The following CDS2 variants were observed in gnomAD, a reference collection of about 807,000 sequenced individuals.
CDS2 encodes CDP-diacylglycerol synthase 2, also known as phosphatidate cytidylyltransferase 2.
A neutral mutation model predicts 59.0 loss-of-function variants in CDS2; 47 were observed. The ratio of observed to expected loss-of-function variants is 0.80; its 90% confidence interval spans 0.63 to 1.02. The LOEUF (loss-of-function observed/expected upper bound fraction) is 1.02, where lower values mean the gene tolerates loss of function less well. CDS2 is among the 50% of genes least tolerant of loss of function. CDS2 has a pLI of 0.00. For missense variants in CDS2, 356 were observed against 558.9 expected, an observed-to-expected ratio of 0.64 and a Z score of 3.66; for synonymous variants, 207 against 206.4, an observed-to-expected ratio of 1.00 and a Z score of -0.02.
At chr20:5,149,602 A>G (rs1241185883) in intron 1 of CDS2, among the ~76,000 whole-genome samples, 1 of 152,062 alleles carries the variant, frequency 6.6e-6, no homozygotes, top group East Asian at 1.9e-4. Flanking sequence ...GGGTCTCACT[A>G]TGTTGCTCAG....
intron 4 of CDS2, among the ~76,000 whole-genome samples, chr20:5,178,005 G>T (rs1189993054): frequency 6.6e-6 from 1 of 152,174 alleles, no homozygotes; most frequent in Non-Finnish European, 1.5e-5. Flanking sequence ...TTAAAAAAAA[G>T]AATGGGAAAG....
chr20:5,140,324 G>A (rs924747024), intron 1 of CDS2, among the ~76,000 whole-genome samples: 11 of 152,178 alleles, frequency 7.2e-5, no homozygotes, highest in African/African-American at 2.4e-4. Context: ...GATGTACTTT[G>A]TTTAGGTTTT....
chr20:5,142,128 A>G (rs2090699500), intron 1 of CDS2, among the ~76,000 whole-genome samples: 1 of 152,316 alleles, frequency 6.6e-6, no homozygotes, highest in African/African-American at 2.4e-5. Context: ...AGCCTGAGCA[A>G]TAGAGTGAGA....
At chr20:5,152,074 G>A (rs1447455265) in intron 1 of CDS2, among the ~76,000 whole-genome samples, 6 of 115,620 alleles carry the variant, frequency 5.2e-5, no homozygotes, top group Admixed American at 8.0e-5. Context: ...TGACTCCATG[G>A]CTTTTTAAAA....
At chr20:5,167,164 G>A (rs1264467794) in intron 1 of CDS2, among the ~76,000 whole-genome samples, 1 of 152,190 alleles carries the variant, frequency 6.6e-6, no homozygotes, top group Non-Finnish European at 1.5e-5. Flanking sequence ...TTTGTAAATA[G>A]CTTTATCTGG....
chr20:5,158,397 C>T (rs954076781), intron 1 of CDS2, among the ~76,000 whole-genome samples: 3 of 152,222 alleles, frequency 2.0e-5, no homozygotes, highest in Admixed American at 6.5e-5. Flanking sequence ...ATTTTGAGCA[C>T]GTGACCTCAA....
intron 1 of CDS2, among the ~76,000 whole-genome samples, chr20:5,144,396 A>G (rs1024690240): frequency 9.2e-5 from 14 of 152,138 alleles, no homozygotes; most frequent in Non-Finnish European, 1.6e-4. Context: ...TGGCCCCCCT[A>G]GTAATGGAGT....
chr20:5,151,950 G>A (rs1375631635), intron 1 of CDS2, among the ~76,000 whole-genome samples: 1 of 149,906 alleles, frequency 6.7e-6, no homozygotes, highest in East Asian at 2.0e-4. Context: ...TTTTAATAGA[G>A]ACAGGGTTTC....
intron 3 of CDS2, chr20:5,175,504 C>G: frequency 2.3e-6 from 1 of 435,836 alleles, no homozygotes; most frequent in Non-Finnish European, 4.2e-6. Flanking sequence ...AGTGTCTTTT[C>G]TTTTAAAAAA....
chr20:5,139,723 G>A (rs2090677999), intron 1 of CDS2, among the ~76,000 whole-genome samples: 1 of 151,726 alleles, frequency 6.6e-6, no homozygotes, highest in Admixed American at 6.6e-5. Context: ...GTTGAGGTAG[G>A]TTCCTTCTGT....
At chr20:5,176,335 T>C (rs1450756480) in intron 3 of CDS2, 1 of 223,582 alleles carries the variant, frequency 4.5e-6, no homozygotes, top group African/African-American at 2.3e-5. Flanking sequence ...GGCAGGTGGA[T>C]TGCTTGAGCC....
At chr20:5,169,257 T>A (rs1257895845) in intron 1 of CDS2, among the ~76,000 whole-genome samples, 1 of 151,874 alleles carries the variant, frequency 6.6e-6, no homozygotes, top group African/African-American at 2.4e-5. Context: ...GGAGGAGGGG[T>A]GCCTGGGAGC....
intron 5 of CDS2, among the ~76,000 whole-genome samples, chr20:5,180,521 T>C (rs549612158): frequency 6.6e-5 from 10 of 152,112 alleles, no homozygotes; most frequent in Non-Finnish European, 1.3e-4. Context: ...ATGTCACTGA[T>C]TGGAGTGTAG....
At chr20:5,147,044 CCAGAA>C (rs1404412379) in intron 1 of CDS2, among the ~76,000 whole-genome samples, 1 of 152,182 alleles carries the variant, frequency 6.6e-6, no homozygotes, top group Non-Finnish European at 1.5e-5. Flanking sequence ...ATGTCATTGG[CCAGAA>C]CTAATTTGCA....
intron 1 of CDS2, among the ~76,000 whole-genome samples, chr20:5,164,662 C>G (rs6076783): frequency 0.46 from 69,549 of 151,700 alleles, 16,284 homozygotes; most frequent in South Asian, 0.62. Flanking sequence ...TCCCCAGTAG[C>G]GCTGAAAACT....
At chr20:5,141,610 A>T (rs2090694532) in intron 1 of CDS2, among the ~76,000 whole-genome samples, 1 of 152,124 alleles carries the variant, frequency 6.6e-6, no homozygotes, top group African/African-American at 2.4e-5. Flanking sequence ...TGTATCCAAT[A>T]TACAATATTG....
Position 5,185,846 on chromosome 20 carries a change from T to C in CDS2, c.828+20T>C, listed in dbSNP as rs748730028. ...CTTCTGGTAGGTGGTGGCTTTCAGC[T>C]GTGTAAGGGATTGGGTGGACAGAGG... On this transcript the variant is annotated intron_variant, in intron 9 of 12. Coordinates refer to ENST00000460006, the MANE Select transcript of CDS2 (RefSeq NM_003818.4). 7.6e-5 allele frequency: 123 copies of C among 1,612,482 alleles called. No individual in the cohort carries two copies. Among genetic ancestry groups the C allele is most frequent in the Non-Finnish European group, 5.5e-5 (65 of 1,178,618 alleles).
rs2091137505 is a variant in CDS2, at chr20:5,193,961, C to T, written c.*3727C>T. 6.6e-6 allele frequency: 1 copy of T among 152,148 alleles called. No homozygotes were observed. Among genetic ancestry groups the T allele is most frequent in the Non-Finnish European group, 1.5e-5 (1 of 68,034 alleles). 9.4% of individuals were successfully genotyped at this position (152,148 alleles called of 1,614,324 possible). On this transcript the variant is annotated 3_prime_UTR_variant, in exon 13 of 13. Transcript: ENST00000460006. ...TAAGAAAAGGGTGGAGTTGGGAGGA[C>T]AATTTCACTTGAACAGGTTTCTGTT...
rs1189631585 is a variant in CDS2 at position 5,196,545 on chromosome 20, C to T, written c.*6311C>T. 1 of 152,180 alleles carries T rather than the reference C, an allele frequency of 6.6e-6. No homozygotes were observed. Among genetic ancestry groups the T allele is most frequent in the Non-Finnish European group, 1.5e-5 (1 of 68,066 alleles). 9.4% of individuals were successfully genotyped at this position (152,180 alleles called of 1,614,324 possible). On this transcript the variant is annotated 3_prime_UTR_variant, in exon 13 of 13. Coordinates refer to ENST00000460006, the MANE Select transcript of CDS2 (RefSeq NM_003818.4). Reference sequence around the variant, plus strand: ...TTGTCTCTAGTGAAACTGTGTTTGCCGATAATCATCCACATAGCCACCTCT... The same window carrying T: ...TTGTCTCTAGTGAAACTGTGTTTGCTGATAATCATCCACATAGCCACCTCT...
Sources: allele counts gnomAD v4.1 joint callset (sites outside exome capture counted in the v4.1 genomes callset), GRCh38; gene constraint gnomAD v4.1.1; transcripts MANE v1.5; gene names NCBI Gene and HGNC (gene_info 2026-07-23, HGNC 2026-07-21).